The following FSHR variants were observed in gnomAD, a reference collection of about 807,000 sequenced individuals.
The protein encoded by FSHR is follicle-stimulating hormone receptor.
A neutral mutation model predicts 52.1 loss-of-function variants in FSHR; 46 were observed. That is an observed-to-expected ratio of 0.88 (90% CI 0.70 to 1.13). The LOEUF (loss-of-function observed/expected upper bound fraction) is 1.13. Ranked by LOEUF, FSHR falls within the 50% of genes most tolerant of loss-of-function variation. The pLI is 0.00. For missense variants in FSHR, 964 were observed against 834.6 expected (o/e 1.16, Z -1.91); for synonymous variants, 399 against 309.6 (o/e 1.29, Z -3.03).
intron 3 of FSHR, among the ~76,000 whole-genome samples, chr2:49,019,742 C>G (rs1271773432): frequency 6.6e-6 from 1 of 152,234 alleles, no homozygotes; most frequent in Non-Finnish European, 1.5e-5. Flanking sequence ...GACTAATCAA[C>G]TTCAACTACA....
intron 1 of FSHR, among the ~76,000 whole-genome samples, chr2:49,134,302 A>G (rs1672405477): frequency 6.6e-6 from 1 of 152,246 alleles, no homozygotes; most frequent in Admixed American, 6.5e-5. Flanking sequence ...CAGCCAACAG[A>G]CACAAGAAGA....
At chr2:48,997,732 C>T (rs1676087024) in intron 4 of FSHR, among the ~76,000 whole-genome samples, 1 of 152,096 alleles carries the variant, frequency 6.6e-6, no homozygotes, top group Non-Finnish European at 1.5e-5. Flanking sequence ...ATCTGAGATT[C>T]TGATTTCCTT....
intron 1 of FSHR, among the ~76,000 whole-genome samples, chr2:49,099,817 G>T (rs1670961322): frequency 1.3e-5 from 2 of 152,100 alleles, no homozygotes; most frequent in South Asian, 2.1e-4. Flanking sequence ...CCGTCAGGAG[G>T]AATCTATGCT....
chr2:49,116,107 G>C (rs1471802331), intron 1 of FSHR, among the ~76,000 whole-genome samples: 1 of 152,144 alleles, frequency 6.6e-6, no homozygotes, highest in Non-Finnish European at 1.5e-5. Flanking sequence ...TTGTAGCAGA[G>C]TCATCATGGG....
At chr2:49,140,131 A>C (rs143526510) in intron 1 of FSHR, among the ~76,000 whole-genome samples, 2 of 152,006 alleles carry the variant, frequency 1.3e-5, no homozygotes, top group Admixed American at 1.3e-4. Context: ...ATTTGTCCAC[A>C]CCCAACGCTC....
At chr2:49,043,325 ATT>A (rs1668546671) in intron 2 of FSHR, among the ~76,000 whole-genome samples, 1 of 152,136 alleles carries the variant, frequency 6.6e-6, no homozygotes, top group Admixed American at 6.5e-5. Flanking sequence ...CACATTTATT[ATT>A]TACTCAGCAA....
At chr2:49,027,186 T>A (rs1414675123) in intron 2 of FSHR, among the ~76,000 whole-genome samples, 1 of 152,192 alleles carries the variant, frequency 6.6e-6, no homozygotes, top group Non-Finnish European at 1.5e-5. Context: ...TCAATTACTC[T>A]CTTCTGTATT....
At chr2:49,077,569 A>ACG (rs1259752600) in intron 1 of FSHR, among the ~76,000 whole-genome samples, 2 of 152,152 alleles carry the variant, frequency 1.3e-5, no homozygotes, top group Non-Finnish European at 2.9e-5. Flanking sequence ...ACGCAAATTT[A>ACG]CGCAGCCAGC....
chr2:48,989,531 C>G (rs1287005620), intron 5 of FSHR, among the ~76,000 whole-genome samples: 2 of 152,184 alleles, frequency 1.3e-5, no homozygotes, highest in Non-Finnish European at 2.9e-5. Flanking sequence ...ATCTGCCTGC[C>G]TTGGCTTCCG....
intron 1 of FSHR, among the ~76,000 whole-genome samples, chr2:49,150,464 T>G (rs2103860314): frequency 6.6e-6 from 1 of 152,210 alleles, no homozygotes; most frequent in South Asian, 2.1e-4. Context: ...AGCAACATTA[T>G]TATCATCAAC....
chr2:48,982,905 T>C lies in FSHR; in HGVS notation c.668+7A>G. The stretch of plus-strand genomic sequence containing the variant: ...TCTTACACACAGAAATGGGGAAAGC[T>C]ACTCACAGAATGACTGGTCCAGAGG... On this transcript the variant is annotated splice_region_variant and intron_variant, in intron 8 of 9. Transcript: ENST00000406846. 1 of 1,609,504 alleles carries C rather than the reference T, an allele frequency of 6.2e-7. No homozygotes were observed. Among genetic ancestry groups the C allele is most frequent in the Non-Finnish European group, 8.5e-7 (1 of 1,175,744 alleles).
In FSHR at chr2:48,963,923, C is replaced by G. The variant is rs780241333; in HGVS notation, c.898G>C (p.Glu300Gln). The change falls in exon 10 of 10, where the codon GAA (glutamate) becomes CAA (glutamine). Residue 300 changes from glutamate to glutamine, a missense_variant. Coordinates refer to ENST00000406846, the MANE Select transcript of FSHR (RefSeq NM_000145.4). Reference sequence around the variant, plus strand: ...CTAGCCTGAGTCATATAATCAACTTCTTGCCTTAAAATAGATTTGTTGCAA... The same window carrying G: ...CTAGCCTGAGTCATATAATCAACTTGTTGCCTTAAAATAGATTTGTTGCAA... ...PICNKSILRQ[E>Q]VDYMTQARGQ... 3.1e-6 allele frequency: 5 copies of G among 1,613,930 alleles called. No individual in the cohort carries two copies. The highest frequency in any genetic ancestry group is 4.2e-6 in the Non-Finnish European group (5 of 1,179,926).
chr2:48,985,903 C>T (rs373040773), intron 6 of FSHR, among the ~76,000 whole-genome samples: 3 of 150,786 alleles, frequency 2.0e-5, no homozygotes, highest in East Asian at 3.9e-4. Flanking sequence ...TTAGTAGAGA[C>T]GGGGTTTCAC....
At chr2:49,104,860 G>A (rs1158112314) in intron 1 of FSHR, among the ~76,000 whole-genome samples, 1 of 151,720 alleles carries the variant, frequency 6.6e-6, no homozygotes, top group Admixed American at 6.6e-5. Flanking sequence ...AAGAGATGGG[G>A]GGAGGGGGGG....
At chr2:49,094,138 C>G (rs1356747444) in intron 1 of FSHR, among the ~76,000 whole-genome samples, 1 of 152,000 alleles carries the variant, frequency 6.6e-6, no homozygotes, top group Non-Finnish European at 1.5e-5. Context: ...GACTACATAT[C>G]TTCAAATAAA....
At chr2:48,989,424 A>C (rs968313963) in intron 5 of FSHR, among the ~76,000 whole-genome samples, 2 of 152,004 alleles carry the variant, frequency 1.3e-5, no homozygotes, top group Non-Finnish European at 2.9e-5. Context: ...CTGGGACTGC[A>C]GGTGTGCACC....
chr2:49,090,878 C>T (rs577434031), intron 1 of FSHR, among the ~76,000 whole-genome samples: 3 of 152,162 alleles, frequency 2.0e-5, no homozygotes, highest in Admixed American at 2.0e-4. Flanking sequence ...TAGTGCTGAG[C>T]ATGTTTTGTT....
intron 1 of FSHR, among the ~76,000 whole-genome samples, chr2:49,086,620 C>A (rs1267558451): frequency 1.3e-5 from 2 of 152,136 alleles, no homozygotes; most frequent in Non-Finnish European, 2.9e-5. Flanking sequence ...TGCTATCAGG[C>A]ATCCTTATTT....
chr2:49,150,101 G>T, intron 1 of FSHR, among the ~76,000 whole-genome samples: 1 of 151,948 alleles, frequency 6.6e-6, no homozygotes, highest in East Asian at 1.9e-4. Flanking sequence ...TAAGATCAAA[G>T]GCACTTTTCT....
Sources: gnomAD v4.1 joint callset for allele counts (sites outside exome capture counted in the v4.1 genomes callset) on GRCh38, gnomAD v4.1.1 for gene constraint, MANE v1.5 for transcripts, NCBI Gene and HGNC (gene_info 2026-07-23, HGNC 2026-07-21) for gene names.